The following SYN2 variants were observed in gnomAD, a reference collection of about 807,000 sequenced individuals.
SYN2 encodes synapsin II.
SYN2 carries 19 observed loss-of-function variants against 50.9 expected under a neutral mutation model. The ratio of observed to expected loss-of-function variants is 0.37; its 90% CI spans 0.26 to 0.55. The LOEUF is 0.55. Among genes scored for constraint, SYN2 ranks in the 20% least tolerant of loss-of-function variants. The pLI, the probability that SYN2 is intolerant of heterozygous loss-of-function variation, is 0.81. For synonymous variants in SYN2, 255 were observed against 224.9 expected (o/e 1.13, Z -1.20); for missense variants, 587 against 576.4 (o/e 1.02, Z -0.19).
At chr3:12,097,629 A>G (rs1208909723) in intron 1 of SYN2, among the ~76,000 whole-genome samples, 5 of 152,058 alleles carry the variant, frequency 3.3e-5, no homozygotes, top group Non-Finnish European at 7.4e-5. Context: ...AAAAGAAAGA[A>G]AAAAGAAAAT....
chr3:12,180,061 G>T (rs896174672), intron 10 of SYN2, among the ~76,000 whole-genome samples: 6 of 152,234 alleles, frequency 3.9e-5, no homozygotes, highest in African/African-American at 1.4e-4. Context: ...CTATCCTCTT[G>T]CCACAGCCCT....
intron 1 of SYN2, among the ~76,000 whole-genome samples, chr3:12,065,803 A>G (rs1319137042): frequency 1.3e-5 from 2 of 152,192 alleles, no homozygotes; most frequent in Non-Finnish European, 2.9e-5. Context: ...CCTCAGCATC[A>G]TGCAATATAC....
At chr3:12,184,150 A>T in intron 11 of SYN2, 1 of 985,908 alleles carries the variant, frequency 1.0e-6, no homozygotes, top group Non-Finnish European at 1.2e-6. Context: ...ATTTCCAGGA[A>T]TGTGTTCTGT....
chr3:12,151,072 A>G (rs1359821500), intron 4 of SYN2, among the ~76,000 whole-genome samples, 165 bp from the exon 5 acceptor site: 2 of 152,260 alleles, frequency 1.3e-5, no homozygotes, highest in Non-Finnish European at 2.9e-5. Flanking sequence ...ACTAATGCGT[A>G]TCATATCCTT....
Position 12,141,954 on chromosome 3 carries a change from C to CT in SYN2, c.486dup (p.Val163CysfsTer34), listed in dbSNP as rs1410433112. 1.3e-6 allele frequency: 1 copy of CT among 780,810 alleles called. No individual in the cohort carries two copies. The highest frequency in any genetic ancestry group is 1.7e-5 in the African/African-American group (1 of 59,244). 48.4% of individuals were successfully genotyped at this position (780,810 alleles called of 1,614,324 possible). On this transcript the variant is annotated frameshift_variant, in exon 3 of 13. Coordinates refer to ENST00000621198, the MANE Select transcript of SYN2 (RefSeq NM_133625.6). LOFTEE classifies it high-confidence loss of function. ...GTGGCCCATGCAGATGGCACCTATG[C>CT]TGTGGATATGCAGGTTCTCCGGAAT...
chr3:12,060,573 A>G (rs975362557), intron 1 of SYN2, among the ~76,000 whole-genome samples: 2 of 152,172 alleles, frequency 1.3e-5, no homozygotes, highest in African/African-American at 2.4e-5. Flanking sequence ...CACCACACCA[A>G]CAGGGCTACA....
At chr3:12,177,189 C>G (rs1173939344) in intron 10 of SYN2, among the ~76,000 whole-genome samples, 3 of 152,190 alleles carry the variant, frequency 2.0e-5, no homozygotes, top group Non-Finnish European at 2.9e-5. Context: ...AGAAACAGAA[C>G]ACATTTCCAG....
chr3:12,120,547 G>C (rs945874729), intron 1 of SYN2, among the ~76,000 whole-genome samples: 1 of 152,212 alleles, frequency 6.6e-6, no homozygotes, highest in African/African-American at 2.4e-5. Flanking sequence ...GATGTTTCCT[G>C]TCCCTTAGCC....
At chr3:12,133,086 C>G (rs1696827366) in intron 1 of SYN2, among the ~76,000 whole-genome samples, 1 of 152,224 alleles carries the variant, frequency 6.6e-6, no homozygotes, top group African/African-American at 2.4e-5. Flanking sequence ...CATCTGTAAC[C>G]TTGGCAATTT....
At chr3:12,070,553 G>A (rs598704) in intron 1 of SYN2, 807,616 of 1,107,620 alleles carry the variant, frequency 0.73, 300,559 homozygotes, top group Admixed American at 0.82. Context: ...TGCTGCTGAC[G>A]GAGGCCCTTG....
rs1426411098 is a variant in SYN2 at position 12,187,350 on chromosome 3, T to C, written c.1370-19T>C. 2 of 1,504,978 alleles carry C rather than the reference T, an allele frequency of 1.3e-6. No individual in the cohort carries two copies. Among genetic ancestry groups the C allele is most frequent in the Non-Finnish European group, 1.8e-6 (2 of 1,120,622 alleles). 93.2% of individuals were successfully genotyped at this position (1,504,978 alleles called of 1,614,324 possible). ...TTTTATATGGTTAAATTATGAAGTT[T>C]TTCTTGTACTGAACCTAGGGGGCCC... is the stretch of plus-strand genomic sequence containing the variant. On this transcript the variant is annotated intron_variant, in intron 11 of 12. Coordinates refer to ENST00000621198, the MANE Select transcript of SYN2 (RefSeq NM_133625.6).
At chr3:12,149,783 C>G (rs1697234255) in intron 4 of SYN2, among the ~76,000 whole-genome samples, 1 of 152,070 alleles carries the variant, frequency 6.6e-6, no homozygotes, top group Admixed American at 6.5e-5. Flanking sequence ...TCCAGCATTT[C>G]AAAAATAACA....
chr3:12,090,530 C>CT (rs1695804346), intron 1 of SYN2, among the ~76,000 whole-genome samples: 2 of 152,156 alleles, frequency 1.3e-5, no homozygotes, highest in African/African-American at 4.8e-5. Flanking sequence ...TGAGTTCACT[C>CT]CTCTGTGCTT....
In SYN2 at chr3:12,097,111, C is replaced by T. The variant is rs562032069; in HGVS notation, c.378-43540C>T. Among the ~76,000 whole-genome samples the T allele has an allele frequency of 7.2e-5, 11 of 152,258 alleles. No homozygotes were observed. In the South Asian group the frequency reaches 8.3e-4, roughly 11 times the overall value. On this transcript the variant is annotated intron_variant, in intron 1 of 12. Coordinates refer to ENST00000621198, the MANE Select transcript of SYN2 (RefSeq NM_133625.6). The stretch of plus-strand genomic sequence containing the variant: ...TCAACCATTGTGGAAGACAGTGTGG[C>T]GATTCCTCAAGGATCTAGAACTAGA...
At chr3:12,173,237 G>C (rs557522657) in intron 10 of SYN2, among the ~76,000 whole-genome samples, 1 of 152,168 alleles carries the variant, frequency 6.6e-6, no homozygotes, top group South Asian at 2.1e-4. Flanking sequence ...TGACTGTACT[G>C]GTCATATTCC....
At chr3:12,136,959 A>C (rs1002105420) in intron 1 of SYN2, among the ~76,000 whole-genome samples, 1 of 152,132 alleles carries the variant, frequency 6.6e-6, no homozygotes, top group Non-Finnish European at 1.5e-5. Flanking sequence ...CAGAAAGTTC[A>C]TATTGGTGGG....
chr3:12,160,208 G>T (rs1174544085), intron 5 of SYN2, among the ~76,000 whole-genome samples: 1 of 152,158 alleles, frequency 6.6e-6, no homozygotes, highest in Non-Finnish European at 1.5e-5. Context: ...CATGGTGCTG[G>T]ACTGGATAGT....
chr3:12,168,242 G>A, intron 8 of SYN2, 134 bp from the exon 9 acceptor site: 1 of 703,878 alleles, frequency 1.4e-6, no homozygotes, highest in South Asian at 1.7e-5. Flanking sequence ...GTATGTGCTT[G>A]ATACGGGTAG....
chr3:12,154,386 G>A (rs746195478), intron 5 of SYN2: 1 of 1,614,220 alleles, frequency 6.2e-7, no homozygotes, highest in East Asian at 2.2e-5. Flanking sequence ...ACCAAGGACA[G>A]GTCCTCCCAG....
Sources: gnomAD v4.1 joint callset for allele counts (sites outside exome capture counted in the v4.1 genomes callset) on GRCh38, gnomAD v4.1.1 for gene constraint, MANE v1.5 for transcripts, NCBI Gene and HGNC (gene_info 2026-07-23, HGNC 2026-07-21) for gene names.